POLI: variants seen among roughly 807,000 people sequenced by gnomAD.
POLI encodes the protein DNA polymerase iota.
Under a neutral mutation model 51.6 loss-of-function variants are expected in POLI, and 58 were observed. The ratio of observed to expected loss-of-function variants is 1.12; its 90% CI spans 0.91 to 1.40. POLI has a LOEUF of 1.40. Among genes scored for constraint, POLI ranks in the 40% most tolerant of loss-of-function variants. The probability of loss-of-function intolerance (pLI) is 0.00; values close to 1 mark genes in which losing one functional copy is unlikely to be tolerated. For synonymous variants in POLI, 322 were observed against 299.7 expected (o/e 1.07, Z -0.77); for missense variants, 921 against 871.3 (o/e 1.06, Z -0.72).
intron 3 of POLI, among the ~76,000 whole-genome samples, chr18:54,316,674 G>A (rs572144477): frequency 6.6e-6 from 1 of 152,286 alleles, no homozygotes; most frequent in East Asian, 1.9e-4. Context: ...GCAGTAGAGG[G>A]CTCAGAAAAC....
chr18:54,315,546 A>G (rs148642739), intron 3 of POLI, among the ~76,000 whole-genome samples: 7 of 152,210 alleles, frequency 4.6e-5, no homozygotes, highest in Non-Finnish European at 8.8e-5. Context: ...GTACTGTCTA[A>G]CACTGTCAGT....
Position 54,287,330 on chromosome 18 carries a change from C to T in POLI, c.1117C>T (p.Arg373Trp), listed in dbSNP as rs762455538. The T allele has an allele frequency of 4.4e-6, 7 of 1,588,706 alleles. No individual in the cohort carries two copies. The highest frequency in any genetic ancestry group is 1.7e-4 in the Middle Eastern group (1 of 6,034). ...TCATACAGTGAGATTAATAATCCGTCGGTATTCCTCTGAGAAGCACTATGG... is the reference window on the plus strand; with the variant it reads ...TCATACAGTGAGATTAATAATCCGTTGGTATTCCTCTGAGAAGCACTATGG... ...KPHTVRLIIR[R>W]YSSEKHYGRE... The change falls in exon 8 of 10, where the codon CGG (arginine) becomes TGG (tryptophan). Residue 373 changes from arginine (R) to tryptophan (W), a missense_variant. Physicochemically the swap from Arg to Trp is moderately radical, Grantham distance 101 (BLOSUM62 -3). Coordinates refer to ENST00000579534, the MANE Select transcript of POLI (RefSeq NM_007195.3).
At chr18:54,304,094 T>C (rs1438681707) in intron 3 of POLI, among the ~76,000 whole-genome samples, 2 of 152,214 alleles carry the variant, frequency 1.3e-5, no homozygotes, top group East Asian at 3.8e-4. Flanking sequence ...CATGAACTCA[T>C]CCTTTTTATG....
At position 54,293,898 on chromosome 18, in the gene POLI, T is replaced by A. The variant is rs546672290; in HGVS notation, c.1654T>A (p.Phe552Ile). ...CCTTTCTGGAAAATCTAGGGAAAAA[T>A]TTCAAGGGAAAGGAAGTGTGAGTTG... ...EILSGKSREK[F>I]QGKGSVSCPL... The change falls in exon 10 of 10, where the codon TTT becomes ATT. Residue 552 changes from phenylalanine to isoleucine, a missense_variant. By Grantham distance (21) the Phe-to-Ile change is conservative. Coordinates refer to ENST00000579534, the MANE Select transcript of POLI (RefSeq NM_007195.3). The A allele has an allele frequency of 5.6e-6, 9 of 1,613,172 alleles. No homozygotes were observed. In the East Asian group the frequency reaches 1.8e-4, roughly 32 times the overall value.
chr18:54,306,664 T>A (rs1416955649), intron 3 of POLI, among the ~76,000 whole-genome samples: 1 of 152,222 alleles, frequency 6.6e-6, no homozygotes, highest in Non-Finnish European at 1.5e-5. Flanking sequence ...AGCTCCTCTT[T>A]GTACCTCTGG....
chr18:54,272,678 C>T (rs757944626), intron 2 of POLI, among the ~76,000 whole-genome samples: 1 of 150,778 alleles, frequency 6.6e-6, no homozygotes, highest in African/African-American at 2.4e-5. Flanking sequence ...CACCATGTTG[C>T]CCTGGGTGGT....
At chr18:54,309,333 A>G (rs1198045290) in intron 3 of POLI, among the ~76,000 whole-genome samples, 1 of 152,212 alleles carries the variant, frequency 6.6e-6, no homozygotes, top group African/African-American at 2.4e-5. Context: ...TCCTTCTAAC[A>G]GTCAGATCCC....
At chr18:54,302,096 G>T (rs1056112892), downstream of POLI, among the ~76,000 whole-genome samples, 4 of 152,160 alleles carry the variant, frequency 2.6e-5, no homozygotes, top group Non-Finnish European at 5.9e-5. Flanking sequence ...GGATGATCTG[G>T]CTAGGCCATT....
At chr18:54,287,491 A>G (rs1268862336) in intron 8 of POLI, 80 bp downstream of exon 8, 1 of 1,019,914 alleles carries the variant, frequency 9.8e-7, no homozygotes, top group African/African-American at 1.6e-5. Flanking sequence ...ATATGCTCCA[A>G]AAATGGAGGG....
At chr18:54,305,186 C>T (rs568992916) in intron 3 of POLI, among the ~76,000 whole-genome samples, 7 of 152,136 alleles carry the variant, frequency 4.6e-5, no homozygotes, top group Non-Finnish European at 7.4e-5. Context: ...AGTTTGAAGT[C>T]AGGTAGCATG....
In POLI at chr18:54,297,191, A is replaced by G. The variant is rs2144618020; in HGVS notation, c.*2724A>G. The G allele has an allele frequency of 3.0e-6, 3 of 984,696 alleles. No individual in the cohort carries two copies. The South Asian group carries it at 1.4e-4, about 46-fold the overall frequency. 61.0% of individuals were successfully genotyped at this position (984,696 alleles called of 1,614,324 possible). ...TCCAAACTAACAGGCAGATGCTGTT[A>G]GCTATCTGCCTCCAGGGATAAACCC... is the stretch of plus-strand genomic sequence containing the variant. On this transcript the variant is annotated 3_prime_UTR_variant, in exon 10 of 10. Coordinates refer to ENST00000579534, the MANE Select transcript of POLI (RefSeq NM_007195.3).
At position 54,271,490 on chromosome 18, in the gene POLI, CTG is replaced by C; in HGVS notation, c.241+7_241+8del. ...AGCTAAAAGACAAACCTTTAGGTAA[CTG>C]TAGATTTATAATATTTTTAATTGCA... is the stretch of plus-strand genomic sequence containing the variant. On this transcript the variant is annotated splice_donor_region_variant and intron_variant, in intron 2 of 9. Coordinates refer to ENST00000579534, the MANE Select transcript of POLI (RefSeq NM_007195.3). The C allele has an allele frequency of 6.4e-7, 1 of 1,564,894 alleles. No homozygotes were observed. The highest frequency in any genetic ancestry group is 8.7e-7 in the Non-Finnish European group (1 of 1,147,732).
intron 4 of POLI, among the ~76,000 whole-genome samples, chr18:54,279,671 T>C (rs1224509660): frequency 1.3e-5 from 2 of 152,214 alleles, no homozygotes; most frequent in African/African-American, 4.8e-5. Flanking sequence ...ATCCTGACAT[T>C]TCATCTCTAA....
chr18:54,312,045 A>G (rs994857809), intron 3 of POLI, among the ~76,000 whole-genome samples: 2 of 152,158 alleles, frequency 1.3e-5, no homozygotes, highest in African/African-American at 4.8e-5. Flanking sequence ...AAATGAATCC[A>G]TCACCCAGAT....
chr18:54,317,409 TA>T (rs1049445820), intron 3 of POLI, among the ~76,000 whole-genome samples: 4 of 152,172 alleles, frequency 2.6e-5, no homozygotes, highest in African/African-American at 9.7e-5. Context: ...TGTACAGTAA[TA>T]TGCACAATAA....
At chr18:54,300,934 A>G (rs2088478970), downstream of POLI, among the ~76,000 whole-genome samples, 1 of 152,188 alleles carries the variant, frequency 6.6e-6, no homozygotes, top group Non-Finnish European at 1.5e-5. Flanking sequence ...CTCAAAATAC[A>G]TAAAGCAAAA....
At position 54,279,655 on chromosome 18, in the gene POLI, G is replaced by A. The variant is rs192165866; in HGVS notation, c.560-1012G>A. ...TTGATGAGCTATTTGGAAGTAAATT[G>A]CAGACATCCTGACATTTCATCTCTA... On this transcript the variant is annotated intron_variant, in intron 4 of 9. Transcript: ENST00000579534. 1.3e-3 allele frequency among the ~76,000 whole-genome samples: 193 copies of A among 152,238 alleles called. 1 individual carries two copies. Among genetic ancestry groups the A allele is most frequent in the African/African-American group, 4.5e-3 (185 of 41,552 alleles).
chr18:54,277,659 T>C (rs1835164148), intron 3 of POLI, 44 bp from the exon 4 acceptor site: 1 of 1,320,554 alleles, frequency 7.6e-7, no homozygotes, highest in African/African-American at 1.5e-5. Context: ...TTATCCTAGT[T>C]ATAACTTCAT....
chr18:54,313,087 C>A (rs971775708), intron 3 of POLI, among the ~76,000 whole-genome samples: 1 of 152,134 alleles, frequency 6.6e-6, no homozygotes, highest in African/African-American at 2.4e-5. Flanking sequence ...AGTTTGATGG[C>A]TTACATTTAA....
Sources: gnomAD v4.1 joint callset for allele counts (sites outside exome capture counted in the v4.1 genomes callset) on GRCh38, gnomAD v4.1.1 for gene constraint, MANE v1.5 for transcripts, NCBI Gene and HGNC (gene_info 2026-07-23, HGNC 2026-07-21) for gene names.